The following WWC2 variants were observed in gnomAD, a reference collection of about 807,000 sequenced individuals.
WWC2 encodes WW and C2 domain containing 2.
In WWC2, 101 loss-of-function variants were observed where a neutral mutation model predicts 138.5. The observed-to-expected ratio is 0.73, with a 90% CI of 0.62 to 0.86. The LOEUF is 0.86. Ranked by LOEUF, WWC2 falls within the 40% of genes least tolerant of loss-of-function variation. The pLI, the probability that WWC2 is intolerant of heterozygous loss-of-function variation, is 0.00. For missense variants in WWC2, 1,420 were observed against 1,419.4 expected, an observed-to-expected ratio of 1.00 and a Z score of -0.01; for synonymous variants, 558 against 538.4, an observed-to-expected ratio of 1.04 and a Z score of -0.50.
In WWC2 at chr4:183,290,555, C is replaced by T. The variant is rs549416373; in HGVS notation, c.3384+920C>T. On this transcript the variant is annotated intron_variant, in intron 21 of 22. Coordinates refer to ENST00000403733, the MANE Select transcript of WWC2 (RefSeq NM_024949.6). ...ACAGTATTTTTAAAGAAACTATTTC[C>T]ATTATTTTGGCACCTACATACTACT... 1.3e-4 allele frequency among the ~76,000 whole-genome samples: 19 copies of T among 151,796 alleles called. No individual in the cohort carries two copies. The South Asian group carries it at 2.1e-3, about 17-fold the overall frequency.
At chr4:183,312,314 T>G in intron 21 of WWC2, 27 bp from the exon 22 acceptor site, 3 of 1,608,924 alleles carry the variant, frequency 1.9e-6, no homozygotes, top group Non-Finnish European at 2.5e-6. Context: ...TTTTGTGTGT[T>G]TCTTACATTT....
intron 4 of WWC2, among the ~76,000 whole-genome samples, chr4:183,231,520 T>G (rs1486212908): frequency 6.6e-6 from 1 of 152,082 alleles, no homozygotes; most frequent in Non-Finnish European, 1.5e-5. Context: ...TCCACCTGCC[T>G]TGGCCTCCTA....
intron 1 of WWC2, among the ~76,000 whole-genome samples, chr4:183,172,556 G>GTTTTTTTTTTTTTTTTTTTGTTTTTTTT (rs61599876): frequency 1.8e-5 from 2 of 113,074 alleles, no homozygotes; most frequent in Admixed American, 9.0e-5. Flanking sequence ...TATGTTTCTT[G>GTTTTTTTTTTTTTTTTTTTGTTTTTTTT]TTTTTTTTTT....
chr4:183,313,089 A>C (rs1579080570), intron 22 of WWC2, among the ~76,000 whole-genome samples: 1 of 152,146 alleles, frequency 6.6e-6, no homozygotes, highest in East Asian at 1.9e-4. Context: ...CAAGCTCCTT[A>C]GGCACCTAGG....
chr4:183,207,605 T>G (rs1370764066), intron 2 of WWC2, among the ~76,000 whole-genome samples: 1 of 152,106 alleles, frequency 6.6e-6, no homozygotes, highest in African/African-American at 2.4e-5. Flanking sequence ...ATTAGGTGAA[T>G]GAAGGTGGGT....
chr4:183,282,355 A>T (rs1173621696), intron 17 of WWC2, among the ~76,000 whole-genome samples: 1 of 152,254 alleles, frequency 6.6e-6, no homozygotes, highest in Non-Finnish European at 1.5e-5. Flanking sequence ...TTTACAATAA[A>T]TGAACAACGA....
chr4:183,209,137 C>CTA (rs1735527027), intron 4 of WWC2, 112 bp downstream of exon 4: 1 of 693,682 alleles, frequency 1.4e-6, no homozygotes, highest in African/African-American at 1.8e-5. Context: ...GAAAACTCCT[C>CTA]CCCTTATCTC....
At chr4:183,303,697 A>G (rs1738936221) in intron 21 of WWC2, among the ~76,000 whole-genome samples, 1 of 152,210 alleles carries the variant, frequency 6.6e-6, no homozygotes, top group Admixed American at 6.5e-5. Flanking sequence ...TGGATTTTAT[A>G]TCAGGGAAGC....
chr4:183,170,801 T>C (rs1734254606), intron 1 of WWC2, among the ~76,000 whole-genome samples: 1 of 151,902 alleles, frequency 6.6e-6, no homozygotes, highest in Non-Finnish European at 1.5e-5. Context: ...CAAGTGATCC[T>C]TTTGCCTCAG....
intron 21 of WWC2, among the ~76,000 whole-genome samples, chr4:183,296,109 C>G (rs183931847): frequency 6.6e-6 from 1 of 152,232 alleles, no homozygotes; most frequent in Admixed American, 6.5e-5. Context: ...GTGCCTGCCT[C>G]AGAGCCAGTG....
At chr4:183,169,350 G>A (rs980638843) in intron 1 of WWC2, among the ~76,000 whole-genome samples, 1 of 152,204 alleles carries the variant, frequency 6.6e-6, no homozygotes, top group Middle Eastern at 3.2e-3. Context: ...TACGCTTCAT[G>A]TGTTTTTTAC....
intron 1 of WWC2, among the ~76,000 whole-genome samples, chr4:183,111,063 C>G (rs1318431081): frequency 6.6e-6 from 1 of 152,032 alleles, no homozygotes; most frequent in African/African-American, 2.4e-5. Context: ...CATGGTGAAA[C>G]CCCATCTCTA....
At chr4:183,160,726 C>G (rs1733939212) in intron 1 of WWC2, among the ~76,000 whole-genome samples, 1 of 152,162 alleles carries the variant, frequency 6.6e-6, no homozygotes, top group South Asian at 2.1e-4. Context: ...TAAAGACTAG[C>G]TTCATCATTC....
At chr4:183,120,490 CT>C (rs1265371101) in intron 1 of WWC2, among the ~76,000 whole-genome samples, 1 of 152,094 alleles carries the variant, frequency 6.6e-6, no homozygotes, top group Admixed American at 6.5e-5. Flanking sequence ...AGGGGAATAA[CT>C]TGGAGATTAT....
At chr4:183,266,910 G>A (rs1580127663) in intron 14 of WWC2, among the ~76,000 whole-genome samples, 2 of 152,242 alleles carry the variant, frequency 1.3e-5, no homozygotes, top group East Asian at 3.9e-4. Flanking sequence ...TTCCTACAGA[G>A]TTGCTTGTAA....
Position 183,269,150 on chromosome 4 carries a change from G to A in WWC2, c.2387G>A (p.Arg796Lys), listed in dbSNP as rs768490281. ...VDLCSVSKHR[R>K]EECLAGTQIS... The stretch of plus-strand genomic sequence containing the variant: ...CTTTGCTCTGTCAGTAAACACCGAA[G>A]GGAAGAATGCCTGGTAGGATTCTTC... The change falls in exon 15 of 23, where the codon AGG becomes AAG. Residue 796 changes from arginine to lysine, a missense_variant. Coordinates refer to ENST00000403733, the MANE Select transcript of WWC2 (RefSeq NM_024949.6). 1.2e-6 allele frequency: 2 copies of A among 1,609,444 alleles called. No individual in the cohort carries two copies. Among genetic ancestry groups the A allele is most frequent in the Admixed American group, 1.7e-5 (1 of 58,996 alleles).
At chr4:183,182,998 A>G (rs961404102) in intron 1 of WWC2, among the ~76,000 whole-genome samples, 6 of 152,148 alleles carry the variant, frequency 3.9e-5, no homozygotes, top group Non-Finnish European at 8.8e-5. Flanking sequence ...TGTATGAGGT[A>G]GGCATTAGGC....
At chr4:183,228,216 G>C (rs1736129205) in intron 4 of WWC2, among the ~76,000 whole-genome samples, 1 of 152,012 alleles carries the variant, frequency 6.6e-6, no homozygotes, top group Non-Finnish European at 1.5e-5. Context: ...TAGATTTTAT[G>C]GCAAAATGCT....
At chr4:183,243,457 G>A (rs1241850531) in intron 5 of WWC2, among the ~76,000 whole-genome samples, 1 of 152,122 alleles carries the variant, frequency 6.6e-6, no homozygotes, top group Non-Finnish European at 1.5e-5. Flanking sequence ...CCAAGTTGGT[G>A]GATATAATAC....
Sources: allele counts gnomAD v4.1 joint callset (sites outside exome capture counted in the v4.1 genomes callset), GRCh38; gene constraint gnomAD v4.1.1; transcripts MANE v1.5; gene names NCBI Gene and HGNC (gene_info 2026-07-23, HGNC 2026-07-21).